Variants in CDH12 observed in about 807,000 individuals in gnomAD.
CDH12 encodes the protein cadherin 12, also known as cadherin-12.
CDH12 carries 41 observed loss-of-function variants against 74.1 expected under a neutral mutation model. That is an observed-to-expected ratio of 0.55 (90% CI 0.43 to 0.72). CDH12 has a LOEUF of 0.72. Ranked by LOEUF, CDH12 falls within the 30% of genes least tolerant of loss-of-function variation. The pLI, the probability that CDH12 is intolerant of heterozygous loss-of-function variation, is 0.00. For missense variants in CDH12, 945 were observed against 977.2 expected, an observed-to-expected ratio of 0.97 and a Z score of 0.44; for synonymous variants, 399 against 355.0, an observed-to-expected ratio of 1.12 and a Z score of -1.39.
intron 6 of CDH12, among the ~76,000 whole-genome samples, chr5:21,934,822 T>C (rs1297771748): frequency 6.6e-6 from 1 of 152,088 alleles, no homozygotes. Context: ...AGTATCCCTC[T>C]GTCACCCAGG....
chr5:22,211,813 T>C (rs1449372810), intron 4 of CDH12, among the ~76,000 whole-genome samples: 1 of 151,044 alleles, frequency 6.6e-6, no homozygotes, highest in Non-Finnish European at 1.5e-5. Context: ...GAAGAATTCT[T>C]TCAAAAACAA....
intron 3 of CDH12, among the ~76,000 whole-genome samples, chr5:22,391,765 G>T (rs1742258384): frequency 6.6e-6 from 1 of 151,862 alleles, no homozygotes; most frequent in Non-Finnish European, 1.5e-5. Flanking sequence ...CAATATCATG[G>T]TCAATATAAA....
At chr5:22,620,206 AC>A (rs1232122033) in intron 1 of CDH12, among the ~76,000 whole-genome samples, 1 of 152,052 alleles carries the variant, frequency 6.6e-6, no homozygotes, top group Non-Finnish European at 1.5e-5. Flanking sequence ...AAAACTGGAT[AC>A]CCCCAATGGC....
At chr5:22,549,340 T>C (rs1488910536) in intron 1 of CDH12, among the ~76,000 whole-genome samples, 1 of 152,050 alleles carries the variant, frequency 6.6e-6, no homozygotes, top group African/African-American at 2.4e-5. Context: ...TGTTTTCAAT[T>C]CTAAGGCAAA....
At chr5:22,512,365 C>T (rs1736648171) in intron 1 of CDH12, among the ~76,000 whole-genome samples, 1 of 152,096 alleles carries the variant, frequency 6.6e-6, no homozygotes, top group Admixed American at 6.6e-5. Context: ...AGCTACTTCA[C>T]TGTGGGGTGG....
intron 4 of CDH12, among the ~76,000 whole-genome samples, chr5:22,178,941 G>T (rs560343958): frequency 6.6e-6 from 1 of 152,356 alleles, no homozygotes; most frequent in African/African-American, 2.4e-5. Context: ...AGACAGACTT[G>T]CACAATGGTT....
Position 22,002,179 on chromosome 5 carries a change from C to T in CDH12, c.232-26794G>A, listed in dbSNP as rs181319775. Among the ~76,000 whole-genome samples, 202 of 152,208 alleles carry T rather than the reference C, an allele frequency of 1.3e-3. 1 individual carries two copies. Among genetic ancestry groups the T allele is most frequent in the Non-Finnish European group, 1.9e-3 (132 of 67,982 alleles). ...AATTTAAAATGAAAAATATTCCAAA[C>T]ATTTTTATTGATAGTCATTTAATTT... On this transcript the variant is annotated intron_variant, in intron 5 of 14. Coordinates refer to ENST00000382254, the MANE Select transcript of CDH12 (RefSeq NM_004061.5).
At chr5:22,737,151 G>A (rs1937435633) in intron 1 of CDH12, among the ~76,000 whole-genome samples, 1 of 151,870 alleles carries the variant, frequency 6.6e-6, no homozygotes, top group Admixed American at 6.6e-5. Context: ...TAATAAAGCT[G>A]CAGGTGCTAG....
At chr5:21,826,882 C>A (rs930593336) in intron 8 of CDH12, among the ~76,000 whole-genome samples, 11 of 151,852 alleles carry the variant, frequency 7.2e-5, no homozygotes, top group Non-Finnish European at 1.5e-4. Flanking sequence ...TCAGTTATAT[C>A]CTGGTAAATA....
chr5:21,782,770 G>C (rs1745984104), intron 11 of CDH12, among the ~76,000 whole-genome samples: 1 of 152,002 alleles, frequency 6.6e-6, no homozygotes. Flanking sequence ...TAATCACTCA[G>C]TCTAGAGGAT....
At chr5:22,045,602 C>CAAA (rs34753862) in intron 5 of CDH12, among the ~76,000 whole-genome samples, 2,186 of 112,804 alleles carry the variant, frequency 0.019, 31 homozygotes, top group Non-Finnish European at 0.025. Flanking sequence ...ACTATTCAGC[C>CAAA]AAAAAAAAAA....
intron 6 of CDH12, among the ~76,000 whole-genome samples, chr5:21,868,915 T>C (rs1044951663): frequency 1.4e-4 from 21 of 152,160 alleles, no homozygotes; most frequent in African/African-American, 5.1e-4. Flanking sequence ...GGGTGGATTA[T>C]TGGCACCACT....
intron 10 of CDH12, among the ~76,000 whole-genome samples, chr5:21,791,946 C>A (rs1279935485): frequency 3.3e-5 from 5 of 151,918 alleles, no homozygotes; most frequent in African/African-American, 1.2e-4. Flanking sequence ...GTAAAAGGAA[C>A]TTGATGGTAC....
intron 3 of CDH12, among the ~76,000 whole-genome samples, chr5:22,317,999 A>T (rs1366547492): frequency 6.6e-6 from 1 of 152,180 alleles, no homozygotes; most frequent in Non-Finnish European, 1.5e-5. Context: ...CTGTCCTCAC[A>T]AGTTTTTCTT....
intron 1 of CDH12, among the ~76,000 whole-genome samples, chr5:22,690,336 A>G (rs1448508544): frequency 2.6e-5 from 4 of 152,172 alleles, no homozygotes; most frequent in African/African-American, 9.6e-5. Flanking sequence ...ATCTATTCAC[A>G]GTACTGTATC....
At chr5:22,014,602 A>G (rs1182593795) in intron 5 of CDH12, among the ~76,000 whole-genome samples, 2 of 152,104 alleles carry the variant, frequency 1.3e-5, no homozygotes, top group Admixed American at 1.3e-4. Flanking sequence ...ACTTGCACTG[A>G]TATGGACAAA....
intron 3 of CDH12, among the ~76,000 whole-genome samples, chr5:22,312,576 GATA>G (rs911153560): frequency 3.8e-4 from 58 of 152,244 alleles, no homozygotes; most frequent in African/African-American, 1.4e-3. Context: ...ATTCCAAACT[GATA>G]ATAATAAGGA....
chr5:22,766,392 G>A (rs937318168), intron 1 of CDH12, among the ~76,000 whole-genome samples: 6 of 151,928 alleles, frequency 3.9e-5, no homozygotes, highest in Admixed American at 3.3e-4. Flanking sequence ...ATAAACAATG[G>A]AACTGTGCAG....
intron 1 of CDH12, among the ~76,000 whole-genome samples, chr5:22,521,315 TTA>T (rs1737046919): frequency 6.6e-6 from 1 of 152,042 alleles, no homozygotes; most frequent in African/African-American, 2.4e-5. Flanking sequence ...ATCTATTTTA[TTA>T]GTCTTATGGT....
Sources: gnomAD v4.1 joint callset for allele counts (sites outside exome capture counted in the v4.1 genomes callset) on GRCh38, gnomAD v4.1.1 for gene constraint, MANE v1.5 for transcripts, NCBI Gene and HGNC (gene_info 2026-07-23, HGNC 2026-07-21) for gene names.